Variants in IMPG1 observed in about 807,000 individuals in gnomAD.
The protein encoded by IMPG1 is interphotoreceptor matrix proteoglycan 1.
In IMPG1, 85 loss-of-function variants were observed where a neutral mutation model predicts 92.0. That is an observed-to-expected ratio of 0.92 (90% confidence interval 0.78 to 1.11). IMPG1 has a LOEUF of 1.11. IMPG1 is among the 50% of genes least tolerant of loss of function. IMPG1 has a pLI of 0.00. For synonymous variants in IMPG1, 367 were observed against 334.1 expected (o/e 1.10, Z -1.08); for missense variants, 1,022 against 956.0 (o/e 1.07, Z -0.91).
At chr6:76,062,331 A>G (rs1164666318) in intron 1 of IMPG1, among the ~76,000 whole-genome samples, 2 of 152,204 alleles carry the variant, frequency 1.3e-5, no homozygotes, top group African/African-American at 4.8e-5. Context: ...GATAAAGCAA[A>G]TCTTGACACA....
intron 12 of IMPG1, among the ~76,000 whole-genome samples, chr6:75,973,056 C>T (rs1015383043): frequency 4.6e-5 from 7 of 152,168 alleles, no homozygotes; most frequent in Non-Finnish European, 7.4e-5. Flanking sequence ...AATGCAGCCT[C>T]GGCCTCCTGA....
At position 75,930,891 on chromosome 6, in the gene IMPG1, G is replaced by T. The variant is rs183916839; in HGVS notation, c.2243+62C>A. ...GACCATATGAATTTACTCTAATGAT[G>T]GGTTTCTCAGAAGTGTAAGTAATGA... is the stretch of plus-strand genomic sequence containing the variant. On this transcript the variant is annotated intron_variant, in intron 15 of 16. Transcript: ENST00000369950. 2,318 of 1,387,792 alleles carry T rather than the reference G, an allele frequency of 1.7e-3. 2 individuals carry two copies. The highest frequency in any genetic ancestry group is 2.1e-3 in the Non-Finnish European group (2,050 of 981,880). 86.0% of individuals were successfully genotyped at this position (1,387,792 alleles called of 1,614,324 possible). A position where few individuals can be genotyped will look rare whatever the true frequency, so the allele number is the denominator to read the frequency against.
At chr6:76,024,153 G>C (rs1362910127) in intron 5 of IMPG1, among the ~76,000 whole-genome samples, 2 of 152,074 alleles carry the variant, frequency 1.3e-5, no homozygotes, top group Non-Finnish European at 2.9e-5. Flanking sequence ...GTCCAGAAAT[G>C]ATAAATTAGC....
chr6:75,933,337 A>G (rs2149451095), intron 14 of IMPG1, among the ~76,000 whole-genome samples: 1 of 152,326 alleles, frequency 6.6e-6, no homozygotes, highest in East Asian at 1.9e-4. Context: ...ATTTGTTTGA[A>G]TTCCCTTCAA....
At chr6:76,020,048 ATTTCT>A (rs1783389702) in intron 6 of IMPG1, among the ~76,000 whole-genome samples, 1 of 151,960 alleles carries the variant, frequency 6.6e-6, no homozygotes, top group Admixed American at 6.6e-5. Flanking sequence ...TATTTTATTT[ATTTCT>A]TTTATTTATT....
At chr6:76,044,008 A>G (rs897223755) in intron 1 of IMPG1, among the ~76,000 whole-genome samples, 1 of 152,228 alleles carries the variant, frequency 6.6e-6, no homozygotes, top group Non-Finnish European at 1.5e-5. Context: ...TGCCAGTGCT[A>G]TCGGCTTGAT....
chr6:76,001,358 A>T (rs1782985593), intron 12 of IMPG1, among the ~76,000 whole-genome samples: 1 of 152,198 alleles, frequency 6.6e-6, no homozygotes, highest in Non-Finnish European at 1.5e-5. Flanking sequence ...TTGGATGTCA[A>T]AATAGTGGTT....
At position 75,936,775 on chromosome 6, in the gene IMPG1, T is replaced by C. The variant is rs546628618; in HGVS notation, c.2045-5624A>G. Among the ~76,000 whole-genome samples, 4 of 152,270 alleles carry C rather than the reference T, an allele frequency of 2.6e-5. 1 individual carries two copies. The East Asian group carries it at 5.8e-4, about 22-fold the overall frequency. On this transcript the variant is annotated intron_variant, in intron 14 of 16. Transcript: ENST00000369950. Reference sequence around the variant, plus strand: ...GGATTGGCACTAGGGTGGTGGCCAATTGTCCCAGGATCAGCGGGTGGAGGG... The same window carrying C: ...GGATTGGCACTAGGGTGGTGGCCAACTGTCCCAGGATCAGCGGGTGGAGGG...
At chr6:76,020,955 T>C (rs1362500154) in intron 6 of IMPG1, among the ~76,000 whole-genome samples, 1 of 152,192 alleles carries the variant, frequency 6.6e-6, no homozygotes, top group Admixed American at 6.5e-5. Context: ...TCATCCTTTG[T>C]GGGTAAAAAT....
chr6:75,924,475 TTA>T (rs1384504009), intron 15 of IMPG1, among the ~76,000 whole-genome samples: 1 of 100,146 alleles, frequency 1.0e-5, no homozygotes, highest in Admixed American at 1.7e-4. Flanking sequence ...ATAAATATAA[TTA>T]TATATTATAA....
In IMPG1 at chr6:75,993,453, T is replaced by C. The variant is rs1782846461; in HGVS notation, c.1291+9465A>G. 2.0e-5 allele frequency among the ~76,000 whole-genome samples: 3 copies of C among 150,062 alleles called. No individual in the cohort carries two copies. The South Asian group carries it at 6.3e-4, about 32-fold the overall frequency. On this transcript the variant is annotated intron_variant, in intron 12 of 16. Coordinates refer to ENST00000369950, the MANE Select transcript of IMPG1 (RefSeq NM_001563.4). The stretch of plus-strand genomic sequence containing the variant: ...GCTGTCCTCTAGTTGTATCCCCACA[T>C]GGCGGAAAAGGAGAGAGAGAAAGAG...
chr6:76,031,962 C>T (rs1187480639), intron 4 of IMPG1, among the ~76,000 whole-genome samples: 1 of 152,206 alleles, frequency 6.6e-6, no homozygotes, highest in African/African-American at 2.4e-5. Flanking sequence ...TCAGTTCTTC[C>T]ACTGGCTTTT....
chr6:76,004,021 T>A lies in IMPG1; in HGVS notation c.1136-71A>T. 4 of 1,172,854 alleles carry A rather than the reference T, an allele frequency of 3.4e-6. No homozygotes were observed. The South Asian group carries it at 3.9e-5, about 11-fold the overall frequency. The allele number at this position is 1,172,854 out of a possible 1,614,324, so 72.7% of individuals were successfully genotyped here. ...TTTTGTGGTTGGGACAATAAAACAG[T>A]CCAGGTTGAAATATGCGGAATAACC... is the stretch of plus-strand genomic sequence containing the variant. On this transcript the variant is annotated intron_variant, in intron 10 of 16. Transcript: ENST00000369950.
rs75154439 is a variant in IMPG1, at chr6:75,964,675, CAAAA to C, written c.1292-13585_1292-13582del. Among the ~76,000 whole-genome samples the C allele has an allele frequency of 9.1e-3, 744 of 81,764 alleles. 2 individuals carry two copies. The highest frequency in any genetic ancestry group is 0.034 in the South Asian group (80 of 2,384). 53.6% of individuals were successfully genotyped at this position (81,764 alleles called of 152,430 possible). On this transcript the variant is annotated intron_variant, in intron 12 of 16. Transcript: ENST00000369950. ...CTGGGTGACAGAGTGAGACTAGTCT[CAAAA>C]AAAAAAAAAAAAAAAGAGAGAGAGA...
At chr6:75,999,472 A>G (rs1782950341) in intron 12 of IMPG1, among the ~76,000 whole-genome samples, 1 of 152,106 alleles carries the variant, frequency 6.6e-6, no homozygotes, top group Non-Finnish European at 1.5e-5. Context: ...TTGGAGCCCT[A>G]ATTTTCATTT....
intron 1 of IMPG1, among the ~76,000 whole-genome samples, chr6:76,043,171 A>G (rs1277065576): frequency 2.0e-5 from 3 of 151,708 alleles, no homozygotes; most frequent in Admixed American, 1.3e-4. Context: ...TTCCTCTTCT[A>G]CTCCATCTCT....
rs1782786000 is a variant in IMPG1, at chr6:75,989,892, A to G, written c.1291+13026T>C. On this transcript the variant is annotated intron_variant, in intron 12 of 16. Coordinates refer to ENST00000369950, the MANE Select transcript of IMPG1 (RefSeq NM_001563.4). The stretch of plus-strand genomic sequence containing the variant: ...TATATGTAGATCTTGTATTCTTAGC[A>G]CACACCCAAAACAGGTAACTATGTG... Among the ~76,000 whole-genome samples the G allele has an allele frequency of 3.3e-5, 5 of 151,966 alleles. No individual in the cohort carries two copies. The South Asian group carries it at 1.0e-3, about 31-fold the overall frequency.
intron 1 of IMPG1, among the ~76,000 whole-genome samples, chr6:76,057,255 T>C (rs1209349157): frequency 2.0e-5 from 3 of 152,140 alleles, no homozygotes; most frequent in Non-Finnish European, 4.4e-5. Flanking sequence ...TGTTTACCTA[T>C]ACAACAAACC....
intron 1 of IMPG1, among the ~76,000 whole-genome samples, chr6:76,072,053 C>T (rs1189398285): frequency 6.6e-6 from 1 of 151,924 alleles, no homozygotes; most frequent in African/African-American, 2.4e-5. Flanking sequence ...TGACTTAAAA[C>T]ATTACTTTTA....
Sources: gnomAD v4.1 joint callset for allele counts (sites outside exome capture counted in the v4.1 genomes callset) on GRCh38, gnomAD v4.1.1 for gene constraint, MANE v1.5 for transcripts, NCBI Gene and HGNC (gene_info 2026-07-23, HGNC 2026-07-21) for gene names.